The following ATP8B4 variants were observed in gnomAD, a reference collection of about 807,000 sequenced individuals.
ATP8B4 encodes ATPase phospholipid transporting 8B4 (putative).
Under a neutral mutation model 145.6 loss-of-function variants are expected in ATP8B4, and 133 were observed. That is an observed-to-expected ratio of 0.91 (90% CI 0.79 to 1.05). ATP8B4 has a LOEUF of 1.05. Among genes scored for constraint, ATP8B4 ranks in the 50% least tolerant of loss-of-function variants. The pLI, the probability that ATP8B4 is intolerant of heterozygous loss-of-function variation, is 0.00. For missense variants in ATP8B4, 1,458 were observed against 1,425.2 expected (o/e 1.02, Z -0.37); for synonymous variants, 507 against 492.9 (o/e 1.03, Z -0.38).
intron 6 of ATP8B4, among the ~76,000 whole-genome samples, chr15:50,032,143 C>G (rs183593650): frequency 1.1e-4 from 17 of 152,194 alleles, no homozygotes; most frequent in African/African-American, 3.6e-4. Flanking sequence ...GTTTTAAACC[C>G]TGCATGCATT....
chr15:49,914,225 G>A (rs1343316879), intron 20 of ATP8B4, among the ~76,000 whole-genome samples: 1 of 152,088 alleles, frequency 6.6e-6, no homozygotes, highest in African/African-American at 2.4e-5. Context: ...ACACACTAGA[G>A]AACAGACATC....
chr15:49,941,629 T>G (rs1370812664), intron 14 of ATP8B4, among the ~76,000 whole-genome samples: 3 of 152,132 alleles, frequency 2.0e-5, no homozygotes, highest in Non-Finnish European at 4.4e-5. Flanking sequence ...GAAAACAATA[T>G]GGATATTTCT....
At chr15:50,070,510 G>C (rs2053657141) in intron 3 of ATP8B4, among the ~76,000 whole-genome samples, 1 of 152,164 alleles carries the variant, frequency 6.6e-6, no homozygotes, top group South Asian at 2.1e-4. Context: ...GCATCCTTTT[G>C]GGTGTTCCCA....
intron 2 of ATP8B4, among the ~76,000 whole-genome samples, chr15:50,080,586 A>C (rs774400681): frequency 1.3e-4 from 19 of 151,926 alleles, no homozygotes; most frequent in Non-Finnish European, 2.2e-4. Context: ...ACATAATACT[A>C]TCTTGCTAGA....
chr15:50,137,441 G>A (rs1037593210), intron 1 of ATP8B4, among the ~76,000 whole-genome samples: 1 of 152,202 alleles, frequency 6.6e-6, no homozygotes, highest in Non-Finnish European at 1.5e-5. Context: ...TTTGCATGCT[G>A]AGCATCACTG....
intron 3 of ATP8B4, among the ~76,000 whole-genome samples, chr15:50,050,091 T>C (rs2052059310): frequency 6.6e-6 from 1 of 152,220 alleles, no homozygotes; most frequent in Non-Finnish European, 1.5e-5. Context: ...ATATTTATTC[T>C]GACTCAGACA....
chr15:50,140,001 C>CT (rs34734714), intron 1 of ATP8B4, among the ~76,000 whole-genome samples: 49,045 of 151,714 alleles, frequency 0.32, 9,218 homozygotes, highest in Middle Eastern at 0.49. Flanking sequence ...GTATGATGGA[C>CT]TTTAGAGATT....
chr15:49,914,886 G>GA (rs2039579971), intron 20 of ATP8B4, among the ~76,000 whole-genome samples: 1 of 152,082 alleles, frequency 6.6e-6, no homozygotes, highest in Non-Finnish European at 1.5e-5. Context: ...AGCCACTAGA[G>GA]AAAACACTAT....
At chr15:50,030,333 A>G (rs1037996517) in intron 6 of ATP8B4, among the ~76,000 whole-genome samples, 2 of 152,212 alleles carry the variant, frequency 1.3e-5, no homozygotes, top group African/African-American at 2.4e-5. Context: ...ATTATCATCT[A>G]AGATAAATGC....
intron 14 of ATP8B4, among the ~76,000 whole-genome samples, chr15:49,955,065 G>T (rs2043437472): frequency 6.6e-6 from 1 of 152,126 alleles, no homozygotes; most frequent in Non-Finnish European, 1.5e-5. Flanking sequence ...TTAAGCAAAC[G>T]TAGAAACAGA....
intron 1 of ATP8B4, among the ~76,000 whole-genome samples, chr15:50,153,307 A>G (rs571233903): frequency 9.5e-4 from 144 of 152,186 alleles, no homozygotes; most frequent in African/African-American, 3.3e-3. Context: ...AGTTGAAGGA[A>G]AGAGTTTTCA....
At chr15:49,987,325 T>C in intron 10 of ATP8B4, 66 bp downstream of exon 10, 2 of 1,539,598 alleles carry the variant, frequency 1.3e-6, no homozygotes, top group South Asian at 1.2e-5. Flanking sequence ...CAGAGAATCA[T>C]AGACTGTGCT....
At chr15:50,040,980 A>G (rs756615559) in intron 5 of ATP8B4, among the ~76,000 whole-genome samples, 2 of 152,214 alleles carry the variant, frequency 1.3e-5, no homozygotes, top group Non-Finnish European at 2.9e-5. Flanking sequence ...GCCATGTTAT[A>G]CAGAAAAGGA....
rs143208982 is a variant in ATP8B4 at position 49,901,027 on chromosome 15, T to C, written c.2289+65A>G. On this transcript the variant is annotated intron_variant, in intron 21 of 27. Transcript: ENST00000284509. ...AAAGACAAAGGAGGTCTCATTATGA[T>C]AGCACAAAAGAGATGATTATTGCAG... 8,229 of 1,550,216 alleles carry C rather than the reference T, an allele frequency of 5.3e-3. 55 individuals carry two copies. Among genetic ancestry groups the C allele is most frequent in the Middle Eastern group, 0.021 (121 of 5,828 alleles).
chr15:50,176,706 CAAT>C (rs1224095825), intron 1 of ATP8B4, among the ~76,000 whole-genome samples: 3 of 152,076 alleles, frequency 2.0e-5, no homozygotes, highest in Non-Finnish European at 4.4e-5. Context: ...GCACTAGAAA[CAAT>C]GATGATTTCA....
At chr15:50,103,046 C>A (rs528110091) in intron 2 of ATP8B4, among the ~76,000 whole-genome samples, 1 of 152,242 alleles carries the variant, frequency 6.6e-6, no homozygotes, top group African/African-American at 2.4e-5. Flanking sequence ...TCCAGCATCC[C>A]TTTATGATTA....
intron 6 of ATP8B4, 28 bp downstream of exon 6, chr15:50,038,740 A>T: frequency 6.3e-7 from 1 of 1,587,126 alleles, no homozygotes; most frequent in Non-Finnish European, 8.6e-7. Flanking sequence ...AGAAATTTTC[A>T]GAATAACCCA....
At chr15:50,173,572 G>A (rs2140874260) in intron 1 of ATP8B4, among the ~76,000 whole-genome samples, 1 of 152,024 alleles carries the variant, frequency 6.6e-6, no homozygotes, top group East Asian at 1.9e-4. Context: ...GCAGAAGGCG[G>A]CAGGGCCCTC....
intron 6 of ATP8B4, chr15:50,019,038 C>T (rs770904426): frequency 1.9e-5 from 16 of 849,654 alleles, no homozygotes; most frequent in Admixed American, 1.9e-4. Context: ...AAATCTTGAT[C>T]GGTCATTTAA....
Sources: allele counts gnomAD v4.1 joint callset (sites outside exome capture counted in the v4.1 genomes callset), GRCh38; gene constraint gnomAD v4.1.1; transcripts MANE v1.5; gene names NCBI Gene and HGNC (gene_info 2026-07-23, HGNC 2026-07-21).